Variants in CLXN observed in about 807,000 individuals in gnomAD.
CLXN encodes the protein calaxin.
chr8:48,730,750 T>C, the CLXN span: 1 of 563,934 alleles, frequency 1.8e-6, no homozygotes, highest in Non-Finnish European at 3.1e-6. Flanking sequence ...CACTTCAGCT[T>C]GTGAAGTCCA....
At chr8:48,714,102 A>G in the CLXN span, 2 of 152,238 alleles carry the variant, frequency 1.3e-5, no homozygotes, top group African/African-American at 4.8e-5. Context: ...AAACCCAGGC[A>G]AAGACCAAGG....
the CLXN span, chr8:48,724,634 C>G: frequency 2.4e-6 from 2 of 837,888 alleles, no homozygotes; most frequent in South Asian, 2.1e-5. Flanking sequence ...TCATCTTCAC[C>G]CTGAAACACA....
At chr8:48,720,294 G>A in the CLXN span, among the ~76,000 whole-genome samples, 24 of 152,256 alleles carry the variant, frequency 1.6e-4, no homozygotes, top group Non-Finnish European at 2.2e-4. Flanking sequence ...AAAAAGAGCC[G>A]TATTTTTCTT....
chr8:48,724,873 C>G, the CLXN span: 3 of 1,298,372 alleles, frequency 2.3e-6, no homozygotes, highest in East Asian at 7.0e-5. Context: ...TTCTGTATGT[C>G]TCCTTAGTGT....
chr8:48,734,306 C>A, the CLXN span, among the ~76,000 whole-genome samples: 13 of 152,200 alleles, frequency 8.5e-5, no homozygotes, highest in Admixed American at 2.6e-4. Context: ...AAATTATCTT[C>A]CTCATCTAAA....
At chr8:48,719,616 A>G in the CLXN span, among the ~76,000 whole-genome samples, 1 of 152,242 alleles carries the variant, frequency 6.6e-6, no homozygotes, top group Non-Finnish European at 1.5e-5. Context: ...GCTTCAGCAT[A>G]TGCAAATCAA....
At chr8:48,718,152 G>A in the CLXN span, among the ~76,000 whole-genome samples, 2 of 152,128 alleles carry the variant, frequency 1.3e-5, no homozygotes, top group African/African-American at 2.4e-5. Context: ...GATATTCCAT[G>A]CAAATGGTAA....
chr8:48,716,424 G>A, the CLXN span: 1 of 152,464 alleles, frequency 6.6e-6, no homozygotes. Context: ...TGCCCAGAGA[G>A]GGGATCCCAC....
the CLXN span, chr8:48,729,100 G>C: frequency 6.2e-7 from 1 of 1,613,502 alleles, no homozygotes; most frequent in Non-Finnish European, 8.5e-7. Flanking sequence ...TTCTCTCACA[G>C]CCAGTTCATA....
At chr8:48,730,495 T>C in the CLXN span, 1 of 1,298,970 alleles carries the variant, frequency 7.7e-7, no homozygotes, top group African/African-American at 1.5e-5. Flanking sequence ...GCTTTAGATA[T>C]GTTATTCATA....
chr8:48,715,220 A>G, the CLXN span: 3 of 152,212 alleles, frequency 2.0e-5, no homozygotes, highest in Non-Finnish European at 4.4e-5. Context: ...GAGAACCTCA[A>G]TTCCTTTGTA....
chr8:48,712,699 C>A, the CLXN span, among the ~76,000 whole-genome samples: 2 of 152,034 alleles, frequency 1.3e-5, no homozygotes, highest in South Asian at 2.1e-4. Flanking sequence ...TATTACTTTC[C>A]CACGAAACTG....
chr8:48,712,744 T>C, the CLXN span, among the ~76,000 whole-genome samples: 8 of 152,216 alleles, frequency 5.3e-5, no homozygotes, highest in South Asian at 1.7e-3. Flanking sequence ...CTCACACCTG[T>C]AATCCCAGCA....
At chr8:48,730,029 T>G in the CLXN span, 2 of 535,656 alleles carry the variant, frequency 3.7e-6, no homozygotes, top group Non-Finnish European at 6.3e-6. Flanking sequence ...CTAGGATATA[T>G]ACAATAATCC....
At chr8:48,723,929 G>A in the CLXN span, 1 of 152,292 alleles carries the variant, frequency 6.6e-6, no homozygotes, top group Non-Finnish European at 1.5e-5. Flanking sequence ...GGGACTATCT[G>A]GAAGGACTGC....
the CLXN span, among the ~76,000 whole-genome samples, chr8:48,726,184 C>A: frequency 6.3e-5 from 9 of 143,402 alleles, no homozygotes; most frequent in Non-Finnish European, 4.6e-5. Flanking sequence ...CCCATCCATC[C>A]ACTCATCCAT....
the CLXN span, chr8:48,712,500 T>G: frequency 6.6e-6 from 1 of 152,228 alleles, no homozygotes; most frequent in East Asian, 1.9e-4. Flanking sequence ...TGAGAGGATG[T>G]GTGTTTTAGG....
chr8:48,726,268 T>TATCTATCC, the CLXN span, among the ~76,000 whole-genome samples: 1 of 134,184 alleles, frequency 7.5e-6, no homozygotes, highest in Non-Finnish European at 1.6e-5. Flanking sequence ...ATCATCTATC[T>TATCTATCC]ATCCATCCAT....
chr8:48,722,786 A>G, the CLXN span, among the ~76,000 whole-genome samples: 5 of 152,298 alleles, frequency 3.3e-5, no homozygotes, highest in African/African-American at 1.2e-4. Flanking sequence ...ACACACAGAC[A>G]CACAATGAAA....
Sources: allele counts gnomAD v4.1 joint callset (sites outside exome capture counted in the v4.1 genomes callset), GRCh38; gene constraint gnomAD v4.1.1; transcripts MANE v1.5; gene names NCBI Gene and HGNC (gene_info 2026-07-23, HGNC 2026-07-21).